Variants in TYW1 observed in about 807,000 individuals in gnomAD.
The protein encoded by TYW1 is S-adenosyl-L-methionine-dependent tRNA 4-demethylwyosine synthase TYW1.
Under a neutral mutation model 96.2 loss-of-function variants are expected in TYW1, and 46 were observed. The ratio of observed to expected loss-of-function variants is 0.48; its 90% CI spans 0.38 to 0.61. TYW1 has a LOEUF of 0.61. TYW1 is among the 20% of genes least tolerant of loss of function. The pLI, the probability that TYW1 is intolerant of heterozygous loss-of-function variation, is 0.00. For missense variants in TYW1, 684 were observed against 909.6 expected (o/e 0.75, Z 3.19); for synonymous variants, 274 against 323.0 (o/e 0.85, Z 1.63).
chr7:67,006,592 C>A (rs1793600897), intron 3 of TYW1, among the ~76,000 whole-genome samples: 1 of 151,772 alleles, frequency 6.6e-6, no homozygotes, highest in Non-Finnish European at 1.5e-5. Flanking sequence ...GTATATGCCA[C>A]CATGCCCAGC....
At chr7:67,150,102 G>GTT (rs891167082) in intron 13 of TYW1, among the ~76,000 whole-genome samples, 1 of 151,768 alleles carries the variant, frequency 6.6e-6, no homozygotes, top group African/African-American at 2.4e-5. Context: ...CCATTTGTCT[G>GTT]TTTATAACCC....
rs554922695 is a variant in TYW1, at chr7:67,157,959, C to CTAA, written c.1699-25166_1699-25165insAAT. Among the ~76,000 whole-genome samples the CTAA allele has an allele frequency of 1.4e-4, 21 of 152,126 alleles. 1 individual carries two copies. In the East Asian group the frequency reaches 4.0e-3, roughly 29 times the overall value. ...GTTCTGTGATTTTGATTAGTAAAGA[C>CTAA]TGTTATGTTTTAGGGGGAAAGTATG... is the stretch of plus-strand genomic sequence containing the variant. On this transcript the variant is annotated intron_variant, in intron 13 of 15. Transcript: ENST00000359626.
At chr7:67,127,026 A>T (rs976356461) in intron 13 of TYW1, among the ~76,000 whole-genome samples, 1 of 151,632 alleles carries the variant, frequency 6.6e-6, no homozygotes, top group Admixed American at 6.6e-5. Context: ...CATATTAATC[A>T]TACTTCACTT....
chr7:67,214,022 GA>G (rs1343431911), intron 15 of TYW1, among the ~76,000 whole-genome samples: 1 of 152,010 alleles, frequency 6.6e-6, no homozygotes, highest in African/African-American at 2.4e-5. Flanking sequence ...ATAAACCTCA[GA>G]ATCAGTTTGT....
intron 13 of TYW1, among the ~76,000 whole-genome samples, chr7:67,142,388 G>A (rs564601884): frequency 3.9e-5 from 6 of 152,028 alleles, no homozygotes; most frequent in Admixed American, 6.5e-5. Context: ...ATAGATGTGA[G>A]CCACCACATC....
intron 15 of TYW1, among the ~76,000 whole-genome samples, chr7:67,208,726 G>A (rs1023384065): frequency 1.9e-4 from 29 of 151,402 alleles, no homozygotes; most frequent in Non-Finnish European, 3.7e-4. Flanking sequence ...CATTCTAGAG[G>A]GATCCCAGAC....
chr7:67,165,196 C>A (rs1799282925), intron 13 of TYW1, among the ~76,000 whole-genome samples: 1 of 152,186 alleles, frequency 6.6e-6, no homozygotes, highest in South Asian at 2.1e-4. Context: ...ATTTGCATAT[C>A]TTTGATTACT....
At chr7:67,154,257 C>T (rs1798896571) in intron 13 of TYW1, among the ~76,000 whole-genome samples, 1 of 152,108 alleles carries the variant, frequency 6.6e-6, no homozygotes, top group Non-Finnish European at 1.5e-5. Flanking sequence ...TTCCATTTGT[C>T]TGTGATTATA....
At chr7:67,221,048 A>T (rs567778099) in intron 15 of TYW1, among the ~76,000 whole-genome samples, 1 of 152,256 alleles carries the variant, frequency 6.6e-6, no homozygotes, top group South Asian at 2.1e-4. Context: ...TTTCTTGCTT[A>T]TCTTTCTCTG....
At chr7:67,169,875 A>G (rs1268457347) in intron 13 of TYW1, among the ~76,000 whole-genome samples, 1 of 152,242 alleles carries the variant, frequency 6.6e-6, no homozygotes, top group African/African-American at 2.4e-5. Flanking sequence ...TTCAGTTCAC[A>G]CTTATGAGTA....
chr7:67,204,638 A>G (rs1333966096), intron 15 of TYW1, among the ~76,000 whole-genome samples: 8 of 146,284 alleles, frequency 5.5e-5, no homozygotes, highest in Non-Finnish European at 7.5e-5. Flanking sequence ...TCTGTCATCC[A>G]GGCTGGAATC....
chr7:67,004,081 A>G (rs1793490284), intron 3 of TYW1, among the ~76,000 whole-genome samples: 2 of 152,068 alleles, frequency 1.3e-5, no homozygotes, highest in African/African-American at 4.8e-5. Context: ...AAAACAATCT[A>G]AGTGTGCGAA....
At chr7:67,229,278 C>G (rs1801668503) in intron 15 of TYW1, among the ~76,000 whole-genome samples, 1 of 152,080 alleles carries the variant, frequency 6.6e-6, no homozygotes. Flanking sequence ...TGGCTCATGC[C>G]TGTAATCCTA....
intron 7 of TYW1, among the ~76,000 whole-genome samples, chr7:67,048,936 C>T (rs1223136720): frequency 3.9e-5 from 6 of 152,228 alleles, no homozygotes; most frequent in East Asian, 1.9e-4. Flanking sequence ...ATTGCTTGAA[C>T]CCGGGAGGTG....
chr7:67,174,454 GTCTGT>G (rs1799603233), intron 13 of TYW1, among the ~76,000 whole-genome samples: 1 of 150,536 alleles, frequency 6.6e-6, no homozygotes, highest in African/African-American at 2.5e-5. Context: ...CAATCTAGAA[GTCTGT>G]TCCCAATGAA....
At chr7:67,131,450 G>C (rs1241753396) in intron 13 of TYW1, among the ~76,000 whole-genome samples, 2 of 152,132 alleles carry the variant, frequency 1.3e-5, no homozygotes, top group Admixed American at 6.6e-5. Context: ...TGCAGTCTCT[G>C]TGGACCTCAT....
Position 67,067,547 on chromosome 7 carries a change from T to A in TYW1, c.1274+144T>A, listed in dbSNP as rs541843422. The stretch of plus-strand genomic sequence containing the variant: ...ACTGTGAATGTTAGTGTATAAAAAT[T>A]TTGTAGACAAATATTTTTGTTTCTC... On this transcript the variant is annotated intron_variant, in intron 10 of 15. Transcript: ENST00000359626. The A allele has an allele frequency of 4.1e-5, 40 of 967,036 alleles. No homozygotes were observed. In the Admixed American group the frequency reaches 5.2e-4, roughly 13 times the overall value. 59.9% of individuals were successfully genotyped at this position (967,036 alleles called of 1,614,324 possible).
chr7:67,024,189 A>ATTGTTG (rs970555706), intron 6 of TYW1, among the ~76,000 whole-genome samples: 1 of 151,886 alleles, frequency 6.6e-6, no homozygotes, highest in Non-Finnish European at 1.5e-5. Context: ...TTATTTCTTC[A>ATTGTTG]TTGTTGTTGT....
intron 15 of TYW1, among the ~76,000 whole-genome samples, chr7:67,197,630 C>G (rs998681732): frequency 2.0e-5 from 3 of 152,096 alleles, no homozygotes; most frequent in African/African-American, 7.2e-5. Context: ...CCAGTCTGAG[C>G]TCTGTCTTAT....
Sources: gnomAD v4.1 joint callset for allele counts (sites outside exome capture counted in the v4.1 genomes callset) on GRCh38, gnomAD v4.1.1 for gene constraint, MANE v1.5 for transcripts, NCBI Gene and HGNC (gene_info 2026-07-23, HGNC 2026-07-21) for gene names.